Variants in RASAL2 observed in about 807,000 individuals in gnomAD.
RASAL2 encodes the protein ras GTPase-activating protein nGAP.
A neutral mutation model predicts 128.9 loss-of-function variants in RASAL2; 58 were observed. The observed-to-expected ratio is 0.45, with a 90% CI of 0.36 to 0.56. The LOEUF is 0.56. Ranked by LOEUF, RASAL2 falls within the 20% of genes least tolerant of loss-of-function variation. The pLI is 0.00. For missense variants in RASAL2, 1,360 were observed against 1,601.6 expected, an observed-to-expected ratio of 0.85 and a Z score of 2.57; for synonymous variants, 561 against 580.8, an observed-to-expected ratio of 0.97 and a Z score of 0.49.
chr1:178,096,069 C>G (rs1015059453), intron 1 of RASAL2, among the ~76,000 whole-genome samples: 22 of 152,194 alleles, frequency 1.4e-4, no homozygotes, highest in African/African-American at 5.3e-4. Context: ...CCAGTTTGTT[C>G]TCAGCAAATT....
chr1:178,415,692 C>A (rs933465527), intron 4 of RASAL2, among the ~76,000 whole-genome samples: 2 of 152,044 alleles, frequency 1.3e-5, no homozygotes, highest in African/African-American at 4.8e-5. Flanking sequence ...ATAGATTTAT[C>A]TGTTTCTCCT....
intron 15 of RASAL2, among the ~76,000 whole-genome samples, chr1:178,465,467 C>T (rs1415262572): frequency 6.6e-6 from 1 of 152,134 alleles, no homozygotes; most frequent in Non-Finnish European, 1.5e-5. Flanking sequence ...CAGATGATGA[C>T]ACAGAATCTT....
At chr1:178,328,859 G>A (rs887831846) in intron 3 of RASAL2, among the ~76,000 whole-genome samples, 6 of 152,026 alleles carry the variant, frequency 3.9e-5, no homozygotes, top group Non-Finnish European at 5.9e-5. Context: ...AGGGTATTTC[G>A]GGTTATGAGT....
intron 1 of RASAL2, among the ~76,000 whole-genome samples, chr1:178,249,715 G>A (rs1236600739): frequency 2.0e-5 from 3 of 152,098 alleles, no homozygotes; most frequent in African/African-American, 7.2e-5. Context: ...ACCTTTGGAT[G>A]GGTTTTCTGT....
chr1:178,265,268 G>GT (rs1488035260), intron 1 of RASAL2, among the ~76,000 whole-genome samples: 2 of 151,796 alleles, frequency 1.3e-5, no homozygotes, highest in Non-Finnish European at 2.9e-5. Context: ...TGGTTTTTTG[G>GT]TTTTTGTTGA....
At chr1:178,255,613 A>G (rs1215356057) in intron 1 of RASAL2, among the ~76,000 whole-genome samples, 1 of 152,106 alleles carries the variant, frequency 6.6e-6, no homozygotes, top group Non-Finnish European at 1.5e-5. Context: ...TCCCACTGCA[A>G]TTAAATTAGA....
chr1:178,260,000 A>G (rs1202109732), intron 1 of RASAL2, among the ~76,000 whole-genome samples: 1 of 152,104 alleles, frequency 6.6e-6, no homozygotes, highest in Admixed American at 6.5e-5. Flanking sequence ...ATGATCTTAC[A>G]AATGACCTGA....
chr1:178,194,672 C>A (rs186253681), intron 1 of RASAL2: 43 of 177,344 alleles, frequency 2.4e-4, no homozygotes, highest in African/African-American at 8.9e-4. Context: ...GGCTTCCTCA[C>A]CAGTGGATTT....
chr1:178,280,370 A>T (rs1055429612), intron 1 of RASAL2, among the ~76,000 whole-genome samples: 1 of 152,096 alleles, frequency 6.6e-6, no homozygotes, highest in Non-Finnish European at 1.5e-5. Context: ...TTTTGAAAAC[A>T]GTTACATTTC....
chr1:178,326,764 G>C (rs1253916382), intron 3 of RASAL2, among the ~76,000 whole-genome samples: 1 of 151,944 alleles, frequency 6.6e-6, no homozygotes. Flanking sequence ...GGCTGGTCTC[G>C]AACTCCCGAC....
chr1:178,286,812 G>C (rs1667052004), intron 2 of RASAL2, among the ~76,000 whole-genome samples: 2 of 151,996 alleles, frequency 1.3e-5, no homozygotes, highest in African/African-American at 4.8e-5. Flanking sequence ...TTACGATTCT[G>C]ATATCCATAG....
Position 178,300,222 on chromosome 1 carries a change from G to T in RASAL2, c.457+104G>T, listed in dbSNP as rs1667704937. 2.3e-6 allele frequency: 3 copies of T among 1,316,552 alleles called. No homozygotes were observed. In the Admixed American group the frequency reaches 7.9e-5, roughly 35 times the overall value. 81.6% of individuals were successfully genotyped at this position (1,316,552 alleles called of 1,614,324 possible). On this transcript the variant is annotated intron_variant, in intron 3 of 17. Coordinates refer to ENST00000367649, the MANE Select transcript of RASAL2 (RefSeq NM_170692.4). Reference sequence around the variant, plus strand: ...ATCCTGCATTTCCTGTTAAGTAAGTGCTTTGAAATCAATGGCACGTTAAGC... The same window carrying T: ...ATCCTGCATTTCCTGTTAAGTAAGTTCTTTGAAATCAATGGCACGTTAAGC...
At chr1:178,444,678 G>T (rs912003736) in intron 8 of RASAL2, among the ~76,000 whole-genome samples, 2 of 152,070 alleles carry the variant, frequency 1.3e-5, no homozygotes, top group Non-Finnish European at 2.9e-5. Flanking sequence ...TATCCTTCTG[G>T]ATTGATGGAT....
intron 1 of RASAL2, among the ~76,000 whole-genome samples, chr1:178,254,623 G>A (rs1052971147): frequency 6.6e-6 from 1 of 152,152 alleles, no homozygotes; most frequent in African/African-American, 2.4e-5. Context: ...AGCTCACTGA[G>A]ACTGTTGCAA....
chr1:178,238,333 T>G (rs1294509393), intron 1 of RASAL2, among the ~76,000 whole-genome samples: 3 of 152,184 alleles, frequency 2.0e-5, no homozygotes, highest in Non-Finnish European at 2.9e-5. Context: ...ACATTTGGGT[T>G]GTTTCCACAT....
At chr1:178,172,321 T>G (rs923081507) in intron 1 of RASAL2, among the ~76,000 whole-genome samples, 1 of 151,312 alleles carries the variant, frequency 6.6e-6, no homozygotes, top group African/African-American at 2.4e-5. Flanking sequence ...GAAATGGTGG[T>G]GGTCTCAGTA....
At chr1:178,207,604 A>G (rs571204310) in intron 1 of RASAL2, among the ~76,000 whole-genome samples, 16 of 152,196 alleles carry the variant, frequency 1.1e-4, no homozygotes, top group Non-Finnish European at 2.4e-4. Flanking sequence ...AAAATAGGCT[A>G]AAGTATTGAG....
chr1:178,122,828 C>T, intron 1 of RASAL2, among the ~76,000 whole-genome samples: 1 of 78,386 alleles, frequency 1.3e-5, no homozygotes, highest in Non-Finnish European at 2.4e-5. Context: ...ATCTGTAATA[C>T]TTACTTTCCA....
intron 3 of RASAL2, among the ~76,000 whole-genome samples, chr1:178,373,822 C>T (rs1221220570): frequency 2.0e-5 from 3 of 151,916 alleles, no homozygotes; most frequent in African/African-American, 7.3e-5. Context: ...CCTATTTATC[C>T]ACAGATGGAT....
Sources: gnomAD v4.1 joint callset for allele counts (sites outside exome capture counted in the v4.1 genomes callset) on GRCh38, gnomAD v4.1.1 for gene constraint, MANE v1.5 for transcripts, NCBI Gene and HGNC (gene_info 2026-07-23, HGNC 2026-07-21) for gene names.